Variants in MTUS2 observed in about 807,000 individuals in gnomAD.
MTUS2 encodes the protein microtubule-associated tumor suppressor candidate 2.
MTUS2 carries 40 observed loss-of-function variants against 114.1 expected under a neutral mutation model. That is an observed-to-expected ratio of 0.35 (90% confidence interval 0.27 to 0.46). MTUS2 has a LOEUF of 0.46. Among genes scored for constraint, MTUS2 ranks in the 20% least tolerant of loss-of-function variants. The pLI is 1.00. For synonymous variants in MTUS2, 688 were observed against 672.0 expected, an observed-to-expected ratio of 1.02 and a Z score of -0.37; for missense variants, 1,679 against 1,705.4, an observed-to-expected ratio of 0.98 and a Z score of 0.27.
At chr13:29,208,183 A>G (rs1400842332) in intron 5 of MTUS2, among the ~76,000 whole-genome samples, 1 of 152,002 alleles carries the variant, frequency 6.6e-6, no homozygotes, top group Non-Finnish European at 1.5e-5. Context: ...CCAGCAATTT[A>G]TCCATCTCCT....
chr13:28,830,636 T>G (rs1874604098), intron 1 of MTUS2, among the ~76,000 whole-genome samples: 2 of 151,902 alleles, frequency 1.3e-5, no homozygotes, highest in African/African-American at 4.8e-5. Context: ...TGAAGAGAAA[T>G]GAACAGAACA....
rs143054529 is a variant in MTUS2 at position 29,394,627 on chromosome 13, G to T, written c.3117+35154G>T. Among the ~76,000 whole-genome samples the T allele has an allele frequency of 2.0e-5, 3 of 152,320 alleles. No homozygotes were observed. The East Asian group carries it at 5.8e-4, about 29-fold the overall frequency. On this transcript the variant is annotated intron_variant, in intron 8 of 15. Coordinates refer to ENST00000612955, the MANE Select transcript of MTUS2 (RefSeq NM_001033602.4). ...AGGAAAAGACCTGGAAAGGGAAGGG[G>T]ATTCTCCCCAGCAGGGATCCCCAAC...
At chr13:29,053,379 T>C (rs890565359) in intron 4 of MTUS2, among the ~76,000 whole-genome samples, 2 of 152,064 alleles carry the variant, frequency 1.3e-5, no homozygotes, top group African/African-American at 4.8e-5. Context: ...TAATTCATGT[T>C]GTTTATCAGC....
chr13:29,302,129 C>G (rs746000255), intron 6 of MTUS2, among the ~76,000 whole-genome samples: 1 of 152,198 alleles, frequency 6.6e-6, no homozygotes, highest in Non-Finnish European at 1.5e-5. Context: ...TGAAAAGGGG[C>G]AAGTGAATTC....
chr13:28,868,453 C>T (rs1877428899), intron 2 of MTUS2, among the ~76,000 whole-genome samples: 1 of 152,116 alleles, frequency 6.6e-6, no homozygotes, highest in Non-Finnish European at 1.5e-5. Context: ...GTCACATCTG[C>T]CCAGGGTGTT....
At chr13:29,028,024 A>C (rs1289084684) in intron 3 of MTUS2, among the ~76,000 whole-genome samples, 1 of 152,146 alleles carries the variant, frequency 6.6e-6, no homozygotes, top group African/African-American at 2.4e-5. Flanking sequence ...TTGTCTCCTG[A>C]AGGAGTCTCT....
chr13:29,394,526 T>C (rs1873751976), intron 8 of MTUS2, among the ~76,000 whole-genome samples: 1 of 152,196 alleles, frequency 6.6e-6, no homozygotes, highest in Non-Finnish European at 1.5e-5. Flanking sequence ...GGAAGCAGGC[T>C]TCAGAGAGAA....
At chr13:28,855,665 A>G (rs1386831122) in intron 2 of MTUS2, among the ~76,000 whole-genome samples, 3 of 152,124 alleles carry the variant, frequency 2.0e-5, no homozygotes, top group African/African-American at 7.2e-5. Flanking sequence ...TTCTTTATCC[A>G]GTCTATCATT....
chr13:29,401,428 T>G (rs1802899339), intron 8 of MTUS2, among the ~76,000 whole-genome samples: 1 of 152,210 alleles, frequency 6.6e-6, no homozygotes, highest in Non-Finnish European at 1.5e-5. Flanking sequence ...GATTCATACT[T>G]AGGTCCTCCC....
chr13:28,910,232 T>A (rs1880326320), intron 2 of MTUS2, among the ~76,000 whole-genome samples: 1 of 152,134 alleles, frequency 6.6e-6, no homozygotes, highest in African/African-American at 2.4e-5. Context: ...TTTCCACAGG[T>A]TTAATTGTTT....
chr13:29,170,536 T>C (rs1893513548), intron 5 of MTUS2, among the ~76,000 whole-genome samples: 1 of 152,224 alleles, frequency 6.6e-6, no homozygotes, highest in Non-Finnish European at 1.5e-5. Context: ...TCAGATGACA[T>C]GATTTATATA....
At chr13:28,942,096 G>A (rs946623777) in intron 2 of MTUS2, among the ~76,000 whole-genome samples, 5 of 152,122 alleles carry the variant, frequency 3.3e-5, no homozygotes, top group African/African-American at 4.8e-5. Flanking sequence ...ATACATGAAA[G>A]TAACAAAGAT....
rs1566238882 is a variant in MTUS2, at chr13:28,940,645, T to TA, written c.-242-83812_-242-83811insA. 1.6e-3 allele frequency among the ~76,000 whole-genome samples: 182 copies of TA among 112,924 alleles called. 1 individual carries two copies. Among genetic ancestry groups the TA allele is most frequent in the African/African-American group, 8.1e-3 (164 of 20,306 alleles). The allele number at this position is 112,924 out of a possible 152,430, so 74.1% of individuals were successfully genotyped here. ...CTGTAAGAGTATAAATATTCGAATA[T>TA]TAAAAAAAACAGAAATTGAGAGTTC... On this transcript the variant is annotated intron_variant, in intron 2 of 15. Transcript: ENST00000612955.
At chr13:28,900,622 C>T (rs1013241978) in intron 2 of MTUS2, among the ~76,000 whole-genome samples, 18 of 152,056 alleles carry the variant, frequency 1.2e-4, no homozygotes, top group Non-Finnish European at 1.5e-5. Flanking sequence ...TAGTTTGTTC[C>T]CTTTGACTGC....
rs564939071 is a variant in MTUS2 at position 29,147,708 on chromosome 13, CATTA to C, written c.2644+46742_2644+46745del. Among the ~76,000 whole-genome samples, 419 of 152,254 alleles carry C rather than the reference CATTA, an allele frequency of 2.8e-3. 2 individuals are homozygous for C. The highest frequency in any genetic ancestry group is 9.6e-3 in the African/African-American group (399 of 41,532). On this transcript the variant is annotated intron_variant, in intron 5 of 15. Transcript: ENST00000612955. ...TGCAGTATTTGGTTTTCTGTTCTTG[CATTA>C]ATTCTTTTAGGATAATGGCCTCCTG...
chr13:29,404,771 A>T (rs1259071050), intron 8 of MTUS2, among the ~76,000 whole-genome samples: 1 of 152,242 alleles, frequency 6.6e-6, no homozygotes, highest in East Asian at 1.9e-4. Context: ...GCTTGGCCTC[A>T]TGATAAAATA....
In MTUS2 at chr13:29,036,177, A is replaced by C. The variant is rs1400150877; in HGVS notation, c.2446+2052A>C. ...AAAAAGAAAGAAAAATAAAAGAAAA[A>C]CCCAACAGCTAAGATTCCACATGGA... On this transcript the variant is annotated intron_variant, in intron 4 of 15. Coordinates refer to ENST00000612955, the MANE Select transcript of MTUS2 (RefSeq NM_001033602.4). Among the ~76,000 whole-genome samples, 3 of 150,840 alleles carry C rather than the reference A, an allele frequency of 2.0e-5. No homozygotes were observed. In the South Asian group the frequency reaches 6.3e-4, roughly 32 times the overall value.
At chr13:29,210,768 T>A (rs967463012) in intron 5 of MTUS2, among the ~76,000 whole-genome samples, 1 of 152,214 alleles carries the variant, frequency 6.6e-6, no homozygotes, top group African/African-American at 2.4e-5. Context: ...AAGAGTCCTC[T>A]GATGTCATCT....
intron 8 of MTUS2, among the ~76,000 whole-genome samples, chr13:29,437,792 C>G (rs1877523756): frequency 6.6e-6 from 1 of 151,946 alleles, no homozygotes; most frequent in African/African-American, 2.4e-5. Flanking sequence ...ACTAAAAATA[C>G]AGAAAATTAG....
Sources: gnomAD v4.1 joint callset for allele counts (sites outside exome capture counted in the v4.1 genomes callset) on GRCh38, gnomAD v4.1.1 for gene constraint, MANE v1.5 for transcripts, NCBI Gene and HGNC (gene_info 2026-07-23, HGNC 2026-07-21) for gene names.